Variants in LINGO2 observed in about 807,000 individuals in gnomAD.
The protein encoded by LINGO2 is leucine rich repeat and Ig domain containing 2, also known as leucine-rich repeat and immunoglobulin-like domain-containing nogo receptor-interacting protein 2.
A neutral mutation model predicts 30.6 loss-of-function variants in LINGO2; 14 were observed. That is an observed-to-expected ratio of 0.46 (90% CI 0.30 to 0.72). The LOEUF is 0.72. Among genes scored for constraint, LINGO2 ranks in the 30% least tolerant of loss-of-function variants. The pLI, the probability that LINGO2 is intolerant of heterozygous loss-of-function variation, is 0.07. For missense variants in LINGO2, 729 were observed against 751.7 expected, an observed-to-expected ratio of 0.97 and a Z score of 0.35; for synonymous variants, 317 against 288.5, an observed-to-expected ratio of 1.10 and a Z score of -1.00.
chr9:28,631,980 T>A (rs954907758), intron 1 of LINGO2, among the ~76,000 whole-genome samples: 1 of 152,116 alleles, frequency 6.6e-6, no homozygotes, highest in African/African-American at 2.4e-5. Context: ...CTAAAGATCA[T>A]AGGTTTGGTA....
At position 28,551,157 on chromosome 9, in the gene LINGO2, T is replaced by C. The variant is rs541461858; in HGVS notation, c.-364-75132A>G. Among the ~76,000 whole-genome samples, 47 of 151,784 alleles carry C rather than the reference T, an allele frequency of 3.1e-4. No homozygotes were observed. In the South Asian group the frequency reaches 9.5e-3, roughly 31 times the overall value. On this transcript the variant is annotated intron_variant, in intron 1 of 5. Transcript: ENST00000379992. ...ATAAAAAGATAATCATTAAAGCAAG[T>C]CTTGTATTAATATTTTAAACTTTAA...
At chr9:29,016,088 TC>T in the LINGO2 span, among the ~76,000 whole-genome samples, 2 of 152,192 alleles carry the variant, frequency 1.3e-5, no homozygotes, top group African/African-American at 4.8e-5. Context: ...ATGTTTTACT[TC>T]AGAGATTCTG....
chr9:28,989,313 T>C, the LINGO2 span, among the ~76,000 whole-genome samples: 4 of 152,204 alleles, frequency 2.6e-5, no homozygotes, highest in South Asian at 2.1e-4. Context: ...GAGAAAACAA[T>C]GTTTGTAAAA....
At chr9:28,568,982 G>A (rs886409570) in intron 1 of LINGO2, among the ~76,000 whole-genome samples, 1 of 146,854 alleles carries the variant, frequency 6.8e-6, no homozygotes, top group Admixed American at 6.6e-5. Context: ...GCAAAGGACT[G>A]TAATAGAAAT....
intron 1 of LINGO2, among the ~76,000 whole-genome samples, chr9:28,597,537 T>C (rs1172874886): frequency 6.6e-6 from 1 of 152,138 alleles, no homozygotes; most frequent in Non-Finnish European, 1.5e-5. Context: ...CTAGTAACAG[T>C]ATTTTAAAAG....
intron 4 of LINGO2, among the ~76,000 whole-genome samples, chr9:28,123,670 ATTTTTTT>A (rs11432898): frequency 6.1e-5 from 9 of 147,584 alleles, no homozygotes; most frequent in African/African-American, 2.2e-4. Context: ...AAAATATTTG[ATTTTTTT>A]TTTTTTGACG....
chr9:29,154,139 A>G, the LINGO2 span, among the ~76,000 whole-genome samples: 30 of 152,094 alleles, frequency 2.0e-4, no homozygotes, highest in African/African-American at 6.5e-4. Context: ...CCTTTAAGAA[A>G]CTGCTCTTAA....
chr9:29,133,252 C>T, the LINGO2 span, among the ~76,000 whole-genome samples: 203 of 152,142 alleles, frequency 1.3e-3, 1 homozygote, highest in Middle Eastern at 0.014. Context: ...TAAATTTTTC[C>T]GCATTCATGC....
intron 1 of LINGO2, among the ~76,000 whole-genome samples, chr9:28,560,676 TA>T (rs1822999632): frequency 6.6e-6 from 1 of 152,034 alleles, no homozygotes; most frequent in Non-Finnish European, 1.5e-5. Context: ...TTTATTTATA[TA>T]TTTTTTTGAG....
the LINGO2 span, among the ~76,000 whole-genome samples, chr9:28,992,549 A>C: frequency 6.6e-6 from 1 of 152,126 alleles, no homozygotes; most frequent in Non-Finnish European, 1.5e-5. Flanking sequence ...ACCCCAAATC[A>C]ACAGAATATA....
intron 4 of LINGO2, among the ~76,000 whole-genome samples, chr9:28,126,275 A>G (rs959583993): frequency 2.6e-5 from 4 of 152,176 alleles, no homozygotes; most frequent in Admixed American, 2.0e-4. Context: ...AAAAACATAA[A>G]ACCTAGAATA....
the LINGO2 span, among the ~76,000 whole-genome samples, chr9:28,891,417 T>C: frequency 3.9e-4 from 60 of 151,944 alleles, no homozygotes; most frequent in Non-Finnish European, 3.7e-4. Context: ...TTGAATGTTA[T>C]AGCCCTGTTA....
At chr9:29,161,773 G>C in the LINGO2 span, among the ~76,000 whole-genome samples, 1 of 152,106 alleles carries the variant, frequency 6.6e-6, no homozygotes, top group Non-Finnish European at 1.5e-5. Context: ...CAGTTCCTGT[G>C]TAACAAGCCA....
At chr9:28,542,710 A>C (rs1362056592) in intron 1 of LINGO2, among the ~76,000 whole-genome samples, 1 of 152,076 alleles carries the variant, frequency 6.6e-6, no homozygotes, top group Non-Finnish European at 1.5e-5. Flanking sequence ...GAATTATTTA[A>C]GGAACTTGTA....
chr9:27,951,572 A>G (rs1332675320), intron 5 of LINGO2, among the ~76,000 whole-genome samples: 5 of 152,292 alleles, frequency 3.3e-5, no homozygotes, highest in African/African-American at 1.2e-4. Flanking sequence ...CGTTAAAGTG[A>G]AATTAAATAG....
intron 4 of LINGO2, among the ~76,000 whole-genome samples, chr9:28,032,404 GA>G (rs1459214420): frequency 6.6e-6 from 1 of 152,168 alleles, no homozygotes; most frequent in Non-Finnish European, 1.5e-5. Flanking sequence ...AGCAGAGGGA[GA>G]TTCCTGTCTT....
chr9:28,579,146 T>G (rs1409121741), intron 1 of LINGO2, among the ~76,000 whole-genome samples: 1 of 152,062 alleles, frequency 6.6e-6, no homozygotes, highest in East Asian at 1.9e-4. Context: ...CATTACACAT[T>G]AACTCAAAGG....
At chr9:29,206,917 T>C in the LINGO2 span, among the ~76,000 whole-genome samples, 1 of 151,952 alleles carries the variant, frequency 6.6e-6, no homozygotes, top group Non-Finnish European at 1.5e-5. Flanking sequence ...GCAAATAAAA[T>C]TGAATAAAGA....
chr9:28,879,582 G>A, the LINGO2 span, among the ~76,000 whole-genome samples: 219 of 152,172 alleles, frequency 1.4e-3, no homozygotes, highest in Non-Finnish European at 2.4e-3. Flanking sequence ...ATCATCTATG[G>A]GTTCCAGTTG....
Sources: gnomAD v4.1 joint callset for allele counts (sites outside exome capture counted in the v4.1 genomes callset) on GRCh38, gnomAD v4.1.1 for gene constraint, MANE v1.5 for transcripts, NCBI Gene and HGNC (gene_info 2026-07-23, HGNC 2026-07-21) for gene names.